The following CACNA1G variants were observed in gnomAD, a reference collection of about 807,000 sequenced individuals.
CACNA1G encodes calcium voltage-gated channel subunit alpha1 G.
CACNA1G carries 67 observed loss-of-function variants against 219.4 expected under a neutral mutation model. That is an observed-to-expected ratio of 0.31 (90% CI 0.25 to 0.37). The LOEUF is 0.37. CACNA1G is among the 10% of genes least tolerant of loss of function. The pLI is 1.00. For missense variants in CACNA1G, 2,380 were observed against 3,231.4 expected (o/e 0.74, Z 6.39); for synonymous variants, 1,296 against 1,345.3 (o/e 0.96, Z 0.80).
In CACNA1G at chr17:50,601,115, A is replaced by G; in HGVS notation, c.3856A>G (p.Ile1286Val). The part of the protein sequence containing the change: ...KMFDHVVLVI[I>V]FLNCITIAME... ...GTTCGACCACGTGGTCCTTGTCATC[A>G]TCTTCCTTAACTGCATCACCATCGC... The change falls in exon 19 of 38, where the codon ATC becomes GTC. Residue 1286 changes from isoleucine to valine, a missense_variant. Coordinates refer to ENST00000359106, the MANE Select transcript of CACNA1G (RefSeq NM_018896.5). 1 of 1,613,882 alleles carries G rather than the reference A, an allele frequency of 6.2e-7. No homozygotes were observed. The highest frequency in any genetic ancestry group is 8.5e-7 in the Non-Finnish European group (1 of 1,179,856).
At position 50,569,774 on chromosome 17, in the gene CACNA1G, G is replaced by A; in HGVS notation, c.557G>A (p.Arg186Gln). ...GCTGTCAGGACAGTCCGTGTGCTGCGACCGCTCAGGGCCATTAACCGGGTG... is the reference window on the plus strand; with the variant it reads ...GCTGTCAGGACAGTCCGTGTGCTGCAACCGCTCAGGGCCATTAACCGGGTG... The part of the protein sequence containing the change: ...FSAVRTVRVL[R>Q]PLRAINRVPS... Residue 186 changes from arginine to glutamine, a missense_variant, in exon 4 of 38, where the codon CGA (arginine) becomes CAA (glutamine). By Grantham distance (43) the Arg-to-Gln change is conservative (BLOSUM62 1). Coordinates refer to ENST00000359106, the MANE Select transcript of CACNA1G (RefSeq NM_018896.5). 1 of 1,550,586 alleles carries A rather than the reference G, an allele frequency of 6.4e-7. No individual in the cohort carries two copies. The highest frequency in any genetic ancestry group is 8.7e-7 in the Non-Finnish European group (1 of 1,146,830).
Position 50,601,108 on chromosome 17 carries a change from T to C in CACNA1G, c.3849T>C (p.Leu1283=), listed in dbSNP as rs772241086. The change falls in exon 19 of 38, where the codon CTT becomes CTC. Residue 1283 remains leucine, a synonymous_variant. Transcript: ENST00000359106. The part of the protein sequence containing the change: ...ITHKMFDHVV[L]VIIFLNCITI... ...ACAAGATGTTCGACCACGTGGTCCT[T>C]GTCATCATCTTCCTTAACTGCATCA... The C allele has an allele frequency of 8.7e-6, 14 of 1,613,826 alleles. No homozygotes were observed. Among genetic ancestry groups the C allele is most frequent in the Non-Finnish European group, 1.1e-5 (13 of 1,179,860 alleles).
chr17:50,566,561 G>T (rs1204862286), intron 1 of CACNA1G, among the ~76,000 whole-genome samples: 3 of 152,210 alleles, frequency 2.0e-5, no homozygotes, highest in African/African-American at 4.8e-5. Flanking sequence ...GTAAGGTGGG[G>T]ACAGAAAGAG....
intron 1 of CACNA1G, among the ~76,000 whole-genome samples, chr17:50,562,420 G>C (rs2036109611): frequency 2.0e-5 from 3 of 152,316 alleles, no homozygotes; most frequent in East Asian, 3.9e-4. Context: ...GTGGAGGGGA[G>C]CTGTCTGCCC....
chr17:50,590,404 G>A (rs1568058131), intron 9 of CACNA1G, 67 bp from the exon 10 acceptor site: 1 of 1,564,136 alleles, frequency 6.4e-7, no homozygotes, highest in Non-Finnish European at 8.8e-7. Flanking sequence ...GGTGTCCCAT[G>A]TTTGGAGGAC....
chr17:50,569,947 T>C, intron 4 of CACNA1G, 144 bp downstream of exon 4: 1 of 605,264 alleles, frequency 1.7e-6, no homozygotes. Context: ...CTGGGATTGC[T>C]GGAACAAAAT....
At position 50,596,994 on chromosome 17, in the gene CACNA1G, G is replaced by A. The variant is rs747050342; in HGVS notation, c.3258+71G>A. 1 of 1,377,346 alleles carries A rather than the reference G, an allele frequency of 7.3e-7. No individual in the cohort carries two copies. The highest frequency in any genetic ancestry group is 9.7e-7 in the Non-Finnish European group (1 of 1,032,160). The allele number at this position is 1,377,346 out of a possible 1,614,324, so 85.3% of individuals were successfully genotyped here. A position where few individuals can be genotyped will look rare whatever the true frequency, so the allele number is the denominator to read the frequency against. On this transcript the variant is annotated intron_variant, in intron 16 of 37. Transcript: ENST00000359106. The surrounding 1 kb of genome is among the most constrained non-coding windows in gnomAD (Gnocchi z 4.8). ...GAGGACAGGAGGAAGAGAGGATGGAGGCAGGCGGGTCCAAGGGCACAGCCC... is the reference window on the plus strand; with the variant it reads ...GAGGACAGGAGGAAGAGAGGATGGAAGCAGGCGGGTCCAAGGGCACAGCCC...
intron 9 of CACNA1G, among the ~76,000 whole-genome samples, chr17:50,589,309 T>C (rs185719037): frequency 5.8e-4 from 88 of 152,222 alleles, no homozygotes; most frequent in African/African-American, 2.0e-3. Flanking sequence ...GGCATTCAAG[T>C]GCTGCCTCTC....
intron 9 of CACNA1G, among the ~76,000 whole-genome samples, chr17:50,581,557 C>T (rs982872163): frequency 4.3e-4 from 66 of 152,290 alleles, no homozygotes; most frequent in Non-Finnish European, 5.7e-4. Flanking sequence ...ACCTGCGCTA[C>T]CCCACCATCC....
chr17:50,617,613 G>T lies in CACNA1G; in HGVS notation c.5155+42G>T. On this transcript the variant is annotated intron_variant, in intron 29 of 37. Transcript: ENST00000359106. This position sits in a 1 kb window ranked among gnomAD's most constrained non-coding sequence, Gnocchi z 5.8. ...CGCACCTGCCCTCCTAGGGTGACCA[G>T]CCCAGGGAGAGAGAGCAAGGGTCGG... is the stretch of plus-strand genomic sequence containing the variant. The T allele has an allele frequency of 6.2e-7, 1 of 1,600,804 alleles. No individual in the cohort carries two copies. Among genetic ancestry groups the T allele is most frequent in the East Asian group, 2.2e-5 (1 of 44,632 alleles).
At position 50,626,786 on chromosome 17, in the gene CACNA1G, TG is replaced by T. The variant is rs754528177; in HGVS notation, c.*38del. The T allele has an allele frequency of 2.1e-5, 34 of 1,612,588 alleles. No homozygotes were observed. The highest frequency in any genetic ancestry group is 2.8e-5 in the Non-Finnish European group (33 of 1,179,770). ...CACTTTCCCACTCACCTTTCTCCACTGGGTGCCAAGTCCTAGCTCCTCCTCC... is the reference window on the plus strand; with the variant it reads ...CACTTTCCCACTCACCTTTCTCCACTGGTGCCAAGTCCTAGCTCCTCCTCC... On this transcript the variant is annotated 3_prime_UTR_variant, in exon 38 of 38. Transcript: ENST00000359106. The surrounding 1 kb of genome is among the most constrained non-coding windows in gnomAD (Gnocchi z 4.3).
At chr17:50,595,242 G>A (rs966452631) in intron 14 of CACNA1G, among the ~76,000 whole-genome samples, 181 bp downstream of exon 14, 5 of 152,124 alleles carry the variant, frequency 3.3e-5, no homozygotes, top group African/African-American at 4.8e-5. Context: ...TTGAGGACAC[G>A]GAAGGGAGGC....
At chr17:50,577,157 A>C (rs892792164) in intron 8 of CACNA1G, among the ~76,000 whole-genome samples, 3 of 152,170 alleles carry the variant, frequency 2.0e-5, no homozygotes, top group Non-Finnish European at 4.4e-5. Flanking sequence ...CTACCCTGCC[A>C]CGGGACGTGG....
chr17:50,591,336 C>G (rs1312100577), intron 10 of CACNA1G, 99 bp from the exon 11 acceptor site: 1 of 1,226,630 alleles, frequency 8.2e-7, no homozygotes, highest in Non-Finnish European at 1.1e-6. Flanking sequence ...CTCGACGTGC[C>G]CACCCAGCCA....
intron 10 of CACNA1G, among the ~76,000 whole-genome samples, chr17:50,591,080 G>A (rs1279933967): frequency 2.0e-5 from 3 of 152,236 alleles, no homozygotes; most frequent in Non-Finnish European, 4.4e-5. Flanking sequence ...CGCAAGGCCT[G>A]GGGCCAGGAG....
rs1406244324 is a variant in CACNA1G, at chr17:50,619,580, C to T, written c.5782-103C>T. 5.6e-6 allele frequency: 6 copies of T among 1,077,690 alleles called. No homozygotes were observed. The Admixed American group carries it at 8.9e-5, about 16-fold the overall frequency. The allele number at this position is 1,077,690 out of a possible 1,614,324, so 66.8% of individuals were successfully genotyped here. On this transcript the variant is annotated intron_variant, in intron 33 of 37. Coordinates refer to ENST00000359106, the MANE Select transcript of CACNA1G (RefSeq NM_018896.5). ...TGTTGTCTGGGTGTCACCTCTTTCT[C>T]CTCTGTTTCTCTTGTCAATCCCCTT...
In CACNA1G at chr17:50,621,723, T is replaced by C. The variant is rs2052115026; in HGVS notation, c.5989T>C (p.Ser1997Pro). The change falls in exon 35 of 38, where the codon TCT (serine) becomes CCT (proline). Residue 1997 changes from serine to proline, a missense_variant. Around this residue, in one of 17 missense-constraint regions of CACNA1G, gnomAD observed 672 missense variants for 670.5 expected, o/e 1.00. Transcript: ENST00000359106. This position sits in a 1 kb window ranked among gnomAD's most constrained non-coding sequence, Gnocchi z 4.6. The part of the protein sequence containing the change: ...TSEIVSEPSC[S>P]LALTDDSLPD... ...AGAGATTGTGTCTGAACCGTCCTGC[T>C]CTCTAGCTCTGACGGATGACTCTTT... 1.9e-6 allele frequency: 3 copies of C among 1,613,930 alleles called. No homozygotes were observed. Among genetic ancestry groups the C allele is most frequent in the Non-Finnish European group, 2.5e-6 (3 of 1,179,812 alleles).
At position 50,575,686 on chromosome 17, in the gene CACNA1G, G is replaced by A. The variant is rs1441406666; in HGVS notation, c.1284G>A (p.Glu428=). The A allele has an allele frequency of 1.2e-6, 2 of 1,610,962 alleles. No individual in the cohort carries two copies. The highest frequency in any genetic ancestry group is 1.7e-6 in the Non-Finnish European group (2 of 1,178,688). The part of the protein sequence containing the change: ...SNASTLASFS[E]PGSCYEELLK... The stretch of plus-strand genomic sequence containing the variant: ...CCAGCACCCTGGCTAGCTTCTCTGA[G>A]CCCGGCAGCTGCTATGAGGAGCTGC... The change falls in exon 8 of 38, where the codon GAG becomes GAA. Residue 428 remains glutamate (E), a synonymous_variant. Coordinates refer to ENST00000359106, the MANE Select transcript of CACNA1G (RefSeq NM_018896.5).
rs2039545292 is a variant in CACNA1G at position 50,572,046 on chromosome 17, T to C, written c.746+9T>C. 6.2e-7 allele frequency: 1 copy of C among 1,613,080 alleles called. No individual in the cohort carries two copies. The highest frequency in any genetic ancestry group is 1.3e-5 in the African/African-American group (1 of 75,022). ...CCTGAGAATTTCAGCCTGTGAGTGG[T>C]GGACAGGGTCCAGGGAGGACCTGGG... On this transcript the variant is annotated intron_variant, in intron 5 of 37. Transcript: ENST00000359106.
Sources: allele counts gnomAD v4.1 joint callset (sites outside exome capture counted in the v4.1 genomes callset), GRCh38; gene constraint gnomAD v4.1.1; regional missense constraint gnomAD v4.1.1; non-coding constraint Gnocchi (gnomAD v3.1); transcripts MANE v1.5; gene names NCBI Gene and HGNC (gene_info 2026-07-23, HGNC 2026-07-21).